SH3GL2: variants seen among roughly 807,000 people sequenced by gnomAD.
SH3GL2 encodes endophilin-A1.
A neutral mutation model predicts 46.0 loss-of-function variants in SH3GL2; 24 were observed. The ratio of observed to expected loss-of-function variants is 0.52; its 90% CI spans 0.38 to 0.73. SH3GL2 has a LOEUF of 0.73. Ranked by LOEUF, SH3GL2 falls within the 30% of genes least tolerant of loss-of-function variation. SH3GL2 has a pLI of 0.00. For synonymous variants in SH3GL2, 196 were observed against 147.1 expected (o/e 1.33, Z -2.40); for missense variants, 413 against 424.2 (o/e 0.97, Z 0.23).
In SH3GL2 at chr9:17,673,739, A is replaced by G. The variant is rs200364425; in HGVS notation, c.46-73327A>G. ...CCCTGAAACCACCATAATGCTTCACACACCCTCACCTGTGATTGTGCTGTT... is the reference window on the plus strand; with the variant it reads ...CCCTGAAACCACCATAATGCTTCACGCACCCTCACCTGTGATTGTGCTGTT... On this transcript the variant is annotated intron_variant, in intron 1 of 8. Transcript: ENST00000380607. Among the ~76,000 whole-genome samples the G allele has an allele frequency of 3.9e-5, 6 of 152,234 alleles. No homozygotes were observed. The East Asian group carries it at 1.2e-3, about 29-fold the overall frequency.
At chr9:17,580,108 A>G (rs574913474) in intron 1 of SH3GL2, among the ~76,000 whole-genome samples, 1 of 152,182 alleles carries the variant, frequency 6.6e-6, no homozygotes, top group Non-Finnish European at 1.5e-5. Flanking sequence ...CATTGGACTC[A>G]AAGAATTTTA....
chr9:17,768,424 A>T (rs535174744), intron 3 of SH3GL2, among the ~76,000 whole-genome samples: 16 of 151,994 alleles, frequency 1.1e-4, no homozygotes, highest in African/African-American at 3.9e-4. Context: ...AATATAGTAT[A>T]CATTTAAAAT....
intron 1 of SH3GL2, among the ~76,000 whole-genome samples, chr9:17,680,480 C>G: frequency 6.6e-6 from 1 of 152,008 alleles, no homozygotes; most frequent in Non-Finnish European, 1.5e-5. Context: ...GTGATATCCC[C>G]TTTATCATTT....
intron 1 of SH3GL2, among the ~76,000 whole-genome samples, chr9:17,746,708 C>T (rs1485727685): frequency 6.6e-6 from 1 of 152,112 alleles, no homozygotes; most frequent in Non-Finnish European, 1.5e-5. Context: ...CATTTGAGAT[C>T]CATTATCAGA....
intron 1 of SH3GL2, among the ~76,000 whole-genome samples, chr9:17,711,497 A>G (rs1258531088): frequency 5.9e-5 from 9 of 151,864 alleles, no homozygotes; most frequent in African/African-American, 2.2e-4. Flanking sequence ...CCAGACGACC[A>G]ATGTTATTCT....
intron 1 of SH3GL2, among the ~76,000 whole-genome samples, chr9:17,658,305 A>G (rs1820138672): frequency 6.6e-6 from 1 of 152,210 alleles, no homozygotes; most frequent in Non-Finnish European, 1.5e-5. Context: ...CAAGCTTAGT[A>G]GCCATTTCTG....
chr9:17,629,702 A>G (rs1819374778), intron 1 of SH3GL2, among the ~76,000 whole-genome samples: 2 of 152,066 alleles, frequency 1.3e-5, no homozygotes, highest in Admixed American at 1.3e-4. Flanking sequence ...TTCAGAGAAC[A>G]TTTTCAGATT....
In SH3GL2 at chr9:17,793,489, A is replaced by T; in HGVS notation, c.851A>T (p.Lys284Ile). 1 of 1,613,036 alleles carries T rather than the reference A, an allele frequency of 6.2e-7. No individual in the cohort carries two copies. Among genetic ancestry groups the T allele is most frequent in the African/African-American group, 1.3e-5 (1 of 74,954 alleles). Residue 284 changes from lysine (K) to isoleucine (I), a missense_variant, in exon 8 of 9, where the codon AAA (lysine) becomes ATA (isoleucine). Lys to Ile is a moderately radical substitution (Grantham distance 102, BLOSUM62 -3). Coordinates refer to ENST00000380607, the MANE Select transcript of SH3GL2 (RefSeq NM_003026.5). ...NGGLSHTGTP[K>I]PSGVQMDQPC... ...GGTCTCTCCCACACAGGCACTCCCAAACCTTCAGGTAAGAGCTGAAACTGC... is the reference window on the plus strand; with the variant it reads ...GGTCTCTCCCACACAGGCACTCCCATACCTTCAGGTAAGAGCTGAAACTGC...
At chr9:17,744,593 C>T (rs185468388) in intron 1 of SH3GL2, among the ~76,000 whole-genome samples, 1 of 152,076 alleles carries the variant, frequency 6.6e-6, no homozygotes, top group East Asian at 1.9e-4. Context: ...TCTCGGAAAT[C>T]CTGGGCTCAA....
chr9:17,791,311 A>C lies in SH3GL2; in HGVS notation c.705A>C (p.Gln235His). 1 of 1,612,138 alleles carries C rather than the reference A, an allele frequency of 6.2e-7. No individual in the cohort carries two copies. Among genetic ancestry groups the C allele is most frequent in the Non-Finnish European group, 8.5e-7 (1 of 1,178,186 alleles). Residue 235 changes from glutamine (Q) to histidine (H), a missense_variant, in exon 7 of 9, where the codon CAA (glutamine) becomes CAC (histidine). By Grantham distance (24) the Gln-to-His change is conservative (BLOSUM62 0). This residue lies in a region of SH3GL2 where 248 missense variants were observed against 215.0 expected (regional missense o/e 1.15). Transcript: ENST00000380607. Reference sequence around the variant, plus strand: ...AGCAGGCAGTCCAGATCCTGCAGCAAGTCACGGTCAGACTGGAAGAAAGGT... The same window carrying C: ...AGCAGGCAGTCCAGATCCTGCAGCACGTCACGGTCAGACTGGAAGAAAGGT... ...YHKQAVQILQQVTVRLEERIR... is the reference protein window; with the variant it reads ...YHKQAVQILQHVTVRLEERIR...
At chr9:17,779,664 G>C (rs1039130969) in intron 3 of SH3GL2, among the ~76,000 whole-genome samples, 16 of 152,258 alleles carry the variant, frequency 1.1e-4, no homozygotes, top group African/African-American at 3.9e-4. Flanking sequence ...AACTGTTCTT[G>C]AATTTTGTTT....
chr9:17,676,220 C>A (rs920368515), intron 1 of SH3GL2, among the ~76,000 whole-genome samples: 1 of 152,172 alleles, frequency 6.6e-6, no homozygotes, highest in Non-Finnish European at 1.5e-5. Flanking sequence ...AGTGTCTCTT[C>A]CTTTTCTTTT....
At chr9:17,704,978 G>A (rs117188658) in intron 1 of SH3GL2, among the ~76,000 whole-genome samples, 10,086 of 151,800 alleles carry the variant, frequency 0.066, 542 homozygotes, top group Admixed American at 0.17. Context: ...CAGAATGGGA[G>A]AAAATATTTG....
At chr9:17,794,378 T>C (rs3808664) in intron 8 of SH3GL2, among the ~76,000 whole-genome samples, 86,529 of 151,928 alleles carry the variant, frequency 0.57, 25,199 homozygotes, top group East Asian at 0.89. Context: ...AGGAGACTTA[T>C]TAAGAAAAAA....
chr9:17,637,352 C>T (rs1485817883), intron 1 of SH3GL2, among the ~76,000 whole-genome samples: 1 of 152,146 alleles, frequency 6.6e-6, no homozygotes, highest in Non-Finnish European at 1.5e-5. Flanking sequence ...CCCAGTCTTA[C>T]ATAAGAGGCT....
chr9:17,789,812 G>T, intron 6 of SH3GL2: 1 of 964,552 alleles, frequency 1.0e-6, no homozygotes, highest in South Asian at 4.8e-5. Flanking sequence ...TTATGATGGG[G>T]TTAAAGTCTT....
rs558728499 is a variant in SH3GL2 at position 17,608,190 on chromosome 9, C to G, written c.45+28903C>G. ...TGAGATGGAGTCTTGCTCTGTTGCC[C>G]AGGCTGGAGTGCAGTGGCACAATCT... On this transcript the variant is annotated intron_variant, in intron 1 of 8. Transcript: ENST00000380607. Among the ~76,000 whole-genome samples the G allele has an allele frequency of 6.0e-3, 825 of 138,628 alleles. 1 individual carries two copies. The highest frequency in any genetic ancestry group is 0.02 in the African/African-American group (778 of 38,060). 90.9% of individuals were successfully genotyped at this position (138,628 alleles called of 152,430 possible). A position where few individuals can be genotyped will look rare whatever the true frequency, so the allele number is the denominator to read the frequency against.
At chr9:17,762,262 A>G (rs1379736820) in intron 3 of SH3GL2, among the ~76,000 whole-genome samples, 1 of 152,014 alleles carries the variant, frequency 6.6e-6, no homozygotes, top group Non-Finnish European at 1.5e-5. Context: ...TATTTGGAAT[A>G]CCCCTTAATC....
At chr9:17,689,530 C>G (rs1490248842) in intron 1 of SH3GL2, among the ~76,000 whole-genome samples, 1 of 152,002 alleles carries the variant, frequency 6.6e-6, no homozygotes, top group Non-Finnish European at 1.5e-5. Flanking sequence ...TTTGAGTGTC[C>G]TCACCATAGC....
Sources: gnomAD v4.1 joint callset for allele counts (sites outside exome capture counted in the v4.1 genomes callset) on GRCh38, gnomAD v4.1.1 for gene constraint, gnomAD v4.1.1 regional missense constraint, MANE v1.5 for transcripts, NCBI Gene and HGNC (gene_info 2026-07-23, HGNC 2026-07-21) for gene names.